TTC39B: variants seen among roughly 807,000 people sequenced by gnomAD.
The protein encoded by TTC39B is tetratricopeptide repeat domain 39B, also known as tetratricopeptide repeat protein 39B.
TTC39B carries 92 observed loss-of-function variants against 96.6 expected under a neutral mutation model. The observed-to-expected ratio is 0.95, with a 90% confidence interval of 0.80 to 1.13. The LOEUF is 1.13. Ranked by LOEUF, TTC39B falls within the 50% of genes most tolerant of loss-of-function variation. The pLI, the probability that TTC39B is intolerant of heterozygous loss-of-function variation, is 0.00. For missense variants in TTC39B, 955 were observed against 809.3 expected, an observed-to-expected ratio of 1.18 and a Z score of -2.18; for synonymous variants, 367 against 299.4, an observed-to-expected ratio of 1.23 and a Z score of -2.33.
chr9:15,237,753 CA>C (rs1564377255), intron 2 of TTC39B, among the ~76,000 whole-genome samples: 1 of 150,988 alleles, frequency 6.6e-6, no homozygotes, highest in Non-Finnish European at 1.5e-5. Context: ...GAAACTATTA[CA>C]AAAAATTTGA....
chr9:15,277,000 T>C (rs756317832), intron 1 of TTC39B, among the ~76,000 whole-genome samples: 2 of 152,232 alleles, frequency 1.3e-5, no homozygotes, highest in Non-Finnish European at 2.9e-5. Context: ...CTCTTTTGGA[T>C]GAGAGAAAAG....
chr9:15,242,006 A>G (rs1045304398), intron 2 of TTC39B, among the ~76,000 whole-genome samples: 1 of 152,082 alleles, frequency 6.6e-6, no homozygotes, highest in African/African-American at 2.4e-5. Context: ...TCGACCTCCC[A>G]AAGTGCTGGG....
intron 16 of TTC39B, among the ~76,000 whole-genome samples, chr9:15,183,665 G>T (rs1818366116): frequency 6.6e-6 from 1 of 152,164 alleles, no homozygotes; most frequent in Admixed American, 6.5e-5. Flanking sequence ...TTTCTGTAGA[G>T]TTCTGTGAGA....
At chr9:15,188,637 T>G (rs2199598) in intron 13 of TTC39B, among the ~76,000 whole-genome samples, 119,992 of 152,154 alleles carry the variant, frequency 0.79, 47,505 homozygotes, top group East Asian at 0.95. Context: ...TACATGTGGA[T>G]AAATTTGTAA....
intron 6 of TTC39B, among the ~76,000 whole-genome samples, chr9:15,209,700 G>C (rs960479692): frequency 6.6e-6 from 1 of 152,100 alleles, no homozygotes; most frequent in Admixed American, 6.5e-5. Flanking sequence ...AAAAACCATA[G>C]AGAAAAGCCA....
At chr9:15,201,174 A>G (rs1246570054) in intron 7 of TTC39B, among the ~76,000 whole-genome samples, 1 of 152,160 alleles carries the variant, frequency 6.6e-6, no homozygotes, top group African/African-American at 2.4e-5. Flanking sequence ...TTCAATGTTT[A>G]TCTTCTTAAA....
At chr9:15,275,160 G>A (rs940988872) in intron 1 of TTC39B, among the ~76,000 whole-genome samples, 2 of 151,976 alleles carry the variant, frequency 1.3e-5, no homozygotes, top group African/African-American at 4.8e-5. Context: ...TCCTGCCTCA[G>A]CCTCCCAAGT....
At chr9:15,291,254 C>G (rs1040490186) in intron 1 of TTC39B, among the ~76,000 whole-genome samples, 1 of 152,072 alleles carries the variant, frequency 6.6e-6, no homozygotes, top group African/African-American at 2.4e-5. Context: ...TGGGAGGGAC[C>G]CAGTGGGAGG....
intron 1 of TTC39B, among the ~76,000 whole-genome samples, chr9:15,275,718 G>T (rs547424337): frequency 6.6e-6 from 1 of 152,076 alleles, no homozygotes; most frequent in Non-Finnish European, 1.5e-5. Context: ...ATAAGGTAAG[G>T]CCCCAAGGTA....
At chr9:15,263,611 C>T (rs1823019611) in intron 2 of TTC39B, among the ~76,000 whole-genome samples, 1 of 152,204 alleles carries the variant, frequency 6.6e-6, no homozygotes, top group Non-Finnish European at 1.5e-5. Context: ...ACCCCCCTTA[C>T]AATACCTCTC....
chr9:15,172,047 T>C, exon 20 of TTC39B: 1 of 1,612,866 alleles, frequency 6.2e-7, no homozygotes, highest in Non-Finnish European at 8.5e-7. Context: ...TCTCCAGAGG[T>C]GAAGAGCTGC....
chr9:15,240,549 T>A (rs941292597), intron 2 of TTC39B, among the ~76,000 whole-genome samples: 8 of 152,088 alleles, frequency 5.3e-5, no homozygotes, highest in Non-Finnish European at 1.2e-4. Context: ...TTAACAATAA[T>A]GAAAAAAGTT....
At position 15,249,897 on chromosome 9, in the gene TTC39B, A is replaced by G. The variant is rs1353935230; in HGVS notation, c.275+18017T>C. 4.8e-6 allele frequency: 6 copies of G among 1,248,848 alleles called. No individual in the cohort carries two copies. The African/African-American group carries it at 7.9e-5, about 16-fold the overall frequency. The allele number at this position is 1,248,848 out of a possible 1,614,324, so 77.4% of individuals were successfully genotyped here. Reference sequence around the variant, plus strand: ...TTGAATCATAAACCCAGGAACTGCTAAATAAATATGACATACTCACAGATT... The same window carrying G: ...TTGAATCATAAACCCAGGAACTGCTGAATAAATATGACATACTCACAGATT... On this transcript the variant is annotated intron_variant, in intron 2 of 19. Coordinates refer to ENST00000512701, the Ensembl canonical transcript of TTC39B.
intron 8 of TTC39B, among the ~76,000 whole-genome samples, chr9:15,198,798 A>T (rs1483065232): frequency 6.6e-6 from 1 of 152,128 alleles, no homozygotes; most frequent in Non-Finnish European, 1.5e-5. Flanking sequence ...CAATTTAAAT[A>T]TTTAAAAATA....
intron 1 of TTC39B, among the ~76,000 whole-genome samples, chr9:15,284,114 A>C (rs1365103362): frequency 1.3e-5 from 2 of 152,224 alleles, no homozygotes; most frequent in Admixed American, 6.5e-5. Context: ...GACAACCAAA[A>C]AGGACAAAAG....
intron 2 of TTC39B, among the ~76,000 whole-genome samples, chr9:15,260,652 T>C (rs7862248): frequency 0.29 from 44,573 of 151,950 alleles, 10,363 homozygotes; most frequent in African/African-American, 0.65. Context: ...AAAGCCTTAC[T>C]TCACTCTCAT....
intron 1 of TTC39B, among the ~76,000 whole-genome samples, chr9:15,288,235 C>G (rs993353966): frequency 6.6e-6 from 1 of 152,140 alleles, no homozygotes; most frequent in Non-Finnish European, 1.5e-5. Flanking sequence ...AGCAGTTCCC[C>G]AGCAAAGGCC....
intron 17 of TTC39B, among the ~76,000 whole-genome samples, chr9:15,182,082 T>C (rs1030450430): frequency 2.6e-5 from 4 of 152,242 alleles, no homozygotes; most frequent in Non-Finnish European, 5.9e-5. Flanking sequence ...CTTTTATGGC[T>C]GGCCTGGCCT....
At chr9:15,293,048 C>A (rs1251213865) in intron 1 of TTC39B, among the ~76,000 whole-genome samples, 1 of 152,240 alleles carries the variant, frequency 6.6e-6, no homozygotes, top group Admixed American at 6.5e-5. Context: ...TCCAGTCCTG[C>A]AAGCTCCATT....
Sources: gnomAD v4.1 joint callset for allele counts (sites outside exome capture counted in the v4.1 genomes callset) on GRCh38, gnomAD v4.1.1 for gene constraint, MANE v1.5 for transcripts, NCBI Gene and HGNC (gene_info 2026-07-23, HGNC 2026-07-21) for gene names.